Variants in DPP10 observed in about 807,000 individuals in gnomAD.
DPP10 encodes inactive dipeptidyl peptidase 10.
DPP10 carries 33 observed loss-of-function variants against 120.9 expected under a neutral mutation model. That is an observed-to-expected ratio of 0.27 (90% CI 0.21 to 0.37). The LOEUF is 0.37. DPP10 is among the 10% of genes least tolerant of loss of function. DPP10 has a pLI of 1.00. For synonymous variants in DPP10, 337 were observed against 326.1 expected, an observed-to-expected ratio of 1.03 and a Z score of -0.36; for missense variants, 816 against 942.8, an observed-to-expected ratio of 0.87 and a Z score of 1.76.
At chr2:115,359,151 T>G (rs1243577813) in intron 3 of DPP10, among the ~76,000 whole-genome samples, 1 of 152,196 alleles carries the variant, frequency 6.6e-6, no homozygotes, top group Non-Finnish European at 1.5e-5. Context: ...AATAGTGATA[T>G]GTGAGAATTT....
intron 1 of DPP10, among the ~76,000 whole-genome samples, chr2:114,894,105 C>T (rs1692772709): frequency 6.6e-6 from 1 of 152,144 alleles, no homozygotes; most frequent in Non-Finnish European, 1.5e-5. Context: ...TTTTATTTGA[C>T]AATAGCTGGT....
intron 1 of DPP10, 84 bp downstream of exon 1, chr2:114,442,922 T>C (rs1677738426): frequency 6.5e-6 from 10 of 1,529,778 alleles, no homozygotes; most frequent in Middle Eastern, 1.7e-4. Context: ...ATCGGGGTAC[T>C]GACAGTGGAC....
chr2:115,002,208 C>T (rs1701489552), intron 1 of DPP10, among the ~76,000 whole-genome samples: 1 of 151,754 alleles, frequency 6.6e-6, no homozygotes, highest in Non-Finnish European at 1.5e-5. Context: ...GAGACCAATG[C>T]AACAAAACAG....
At chr2:114,837,726 T>G (rs1360414402) in intron 1 of DPP10, among the ~76,000 whole-genome samples, 1 of 152,214 alleles carries the variant, frequency 6.6e-6, no homozygotes. Flanking sequence ...TTATTTCTCA[T>G]GTGATCTGCC....
At chr2:115,441,163 A>G (rs2072011108) in intron 3 of DPP10, among the ~76,000 whole-genome samples, 1 of 152,088 alleles carries the variant, frequency 6.6e-6, no homozygotes, top group Non-Finnish European at 1.5e-5. Context: ...TTGAGGTTAA[A>G]TAATAAAACC....
intron 1 of DPP10, among the ~76,000 whole-genome samples, chr2:115,051,099 C>G (rs947939680): frequency 1.3e-5 from 2 of 152,172 alleles, no homozygotes; most frequent in African/African-American, 4.8e-5. Context: ...AGGCATTAGA[C>G]GTGCCAACAA....
At chr2:115,231,959 T>C (rs1357626821) in intron 1 of DPP10, among the ~76,000 whole-genome samples, 1 of 152,186 alleles carries the variant, frequency 6.6e-6, no homozygotes, top group Non-Finnish European at 1.5e-5. Flanking sequence ...GGGTGAGTTT[T>C]ATGCCCCCTA....
intron 1 of DPP10, among the ~76,000 whole-genome samples, chr2:115,209,881 T>C (rs1398463855): frequency 6.6e-6 from 1 of 152,114 alleles, no homozygotes; most frequent in East Asian, 1.9e-4. Context: ...TGTGAAACAC[T>C]TCATTTCTAT....
intron 1 of DPP10, among the ~76,000 whole-genome samples, chr2:114,881,614 A>G (rs1574408237): frequency 2.6e-5 from 4 of 151,600 alleles, no homozygotes; most frequent in African/African-American, 7.3e-5. Context: ...CTATCTATCT[A>G]TCTATCTATC....
chr2:114,708,848 T>C (rs1002549675), intron 1 of DPP10, among the ~76,000 whole-genome samples: 3 of 152,132 alleles, frequency 2.0e-5, no homozygotes, highest in African/African-American at 7.2e-5. Context: ...CTCTGACTCC[T>C]GGGTTCAAGC....
intron 1 of DPP10, among the ~76,000 whole-genome samples, chr2:114,904,584 G>T (rs1023556161): frequency 1.3e-5 from 2 of 152,162 alleles, no homozygotes; most frequent in African/African-American, 4.8e-5. Flanking sequence ...AAATGTTGAT[G>T]ATAAAGTATG....
At chr2:114,668,614 C>T (rs544103263) in intron 1 of DPP10, among the ~76,000 whole-genome samples, 1 of 152,222 alleles carries the variant, frequency 6.6e-6, no homozygotes, top group South Asian at 2.1e-4. Context: ...ATTAAACCCA[C>T]ACTCAGCAAA....
chr2:115,652,894 C>T (rs1332305733), intron 5 of DPP10, among the ~76,000 whole-genome samples: 1 of 151,804 alleles, frequency 6.6e-6, no homozygotes, highest in Non-Finnish European at 1.5e-5. Context: ...GACTGGACAC[C>T]CTGTGGTCCA....
intron 1 of DPP10, among the ~76,000 whole-genome samples, chr2:114,623,984 A>G (rs1694299311): frequency 6.6e-6 from 1 of 152,036 alleles, no homozygotes; most frequent in Non-Finnish European, 1.5e-5. Context: ...TGATGATGGT[A>G]CTCATAGGAT....
chr2:115,342,546 C>T (rs1483614390), intron 2 of DPP10, among the ~76,000 whole-genome samples: 5 of 152,104 alleles, frequency 3.3e-5, no homozygotes, highest in Non-Finnish European at 2.9e-5. Flanking sequence ...TAAGCATGTG[C>T]AAACCCCTCA....
At chr2:114,892,259 C>A (rs1422802488) in intron 1 of DPP10, among the ~76,000 whole-genome samples, 2 of 152,166 alleles carry the variant, frequency 1.3e-5, no homozygotes, top group African/African-American at 4.8e-5. Context: ...GAGAGATAAA[C>A]CATGTACATC....
At chr2:114,638,031 G>A (rs1695423780) in intron 1 of DPP10, among the ~76,000 whole-genome samples, 1 of 151,880 alleles carries the variant, frequency 6.6e-6, no homozygotes, top group South Asian at 2.1e-4. Context: ...AATCATATTG[G>A]TAGTTTGATA....
At chr2:114,659,762 A>C (rs1697253137) in intron 1 of DPP10, among the ~76,000 whole-genome samples, 1 of 152,194 alleles carries the variant, frequency 6.6e-6, no homozygotes, top group African/African-American at 2.4e-5. Flanking sequence ...TACTTAATTA[A>C]AATGGGCCCT....
chr2:114,830,358 T>C (rs1686987073), intron 1 of DPP10, among the ~76,000 whole-genome samples: 1 of 152,152 alleles, frequency 6.6e-6, no homozygotes, highest in Admixed American at 6.5e-5. Flanking sequence ...CCATCCTCTG[T>C]TCTGTGCTGT....
Sources: gnomAD v4.1 joint callset for allele counts (sites outside exome capture counted in the v4.1 genomes callset) on GRCh38, gnomAD v4.1.1 for gene constraint, MANE v1.5 for transcripts, NCBI Gene and HGNC (gene_info 2026-07-23, HGNC 2026-07-21) for gene names.